PRR14L: variants seen among roughly 807,000 people sequenced by gnomAD.
PRR14L encodes the protein protein PRR14L.
Under a neutral mutation model 155.0 loss-of-function variants are expected in PRR14L, and 80 were observed. The ratio of observed to expected loss-of-function variants is 0.52; its 90% CI spans 0.43 to 0.62. The LOEUF is 0.62. Ranked by LOEUF, PRR14L falls within the 20% of genes least tolerant of loss-of-function variation. The probability of loss-of-function intolerance (pLI) is 0.00; values close to 1 mark genes in which losing one functional copy is unlikely to be tolerated. For missense variants in PRR14L, 2,469 were observed against 2,548.0 expected (o/e 0.97, Z 0.67); for synonymous variants, 883 against 916.0 (o/e 0.96, Z 0.65).
At chr22:31,747,120 T>C (rs1440089610) in intron 1 of PRR14L, among the ~76,000 whole-genome samples, 1 of 134,398 alleles carries the variant, frequency 7.4e-6, no homozygotes, top group African/African-American at 2.8e-5. Context: ...CAGGAGTCTT[T>C]TTTTTTTGAG....
intron 6 of PRR14L, among the ~76,000 whole-genome samples, chr22:31,702,908 C>T (rs1172148681): frequency 5.9e-5 from 9 of 151,980 alleles, no homozygotes; most frequent in Non-Finnish European, 1.2e-4. Flanking sequence ...CTCTGCCTCC[C>T]GGGCTCAAGC....
chr22:31,687,406 T>G (rs2074487671), intron 8 of PRR14L, among the ~76,000 whole-genome samples: 1 of 150,384 alleles, frequency 6.6e-6, no homozygotes, highest in South Asian at 2.1e-4. Flanking sequence ...CAGGCTGGAG[T>G]GCAGTGGTGT....
intron 3 of PRR14L, 68 bp downstream of exon 3, chr22:31,725,470 A>G: frequency 9.5e-7 from 1 of 1,053,706 alleles, no homozygotes; most frequent in Non-Finnish European, 1.4e-6. Context: ...TCAATGCAAA[A>G]TGGAAGCGGA....
rs562830780 is a variant in PRR14L at position 31,685,614 on chromosome 22, C to A, written c.6369G>T (p.Glu2123Asp). 1 of 1,552,022 alleles carries A rather than the reference C, an allele frequency of 6.4e-7. No individual in the cohort carries two copies. The highest frequency in any genetic ancestry group is 1.4e-5 in the African/African-American group (1 of 73,166). The change falls in exon 9 of 9, where the codon GAG becomes GAT. Residue 2123 changes from glutamate (E) to aspartate (D), a missense_variant. By Grantham distance (45) the Glu-to-Asp change is conservative. This residue lies in a region of PRR14L where 106 missense variants were observed against 176.4 expected (regional missense o/e 0.60). Coordinates refer to ENST00000327423, the MANE Select transcript of PRR14L (RefSeq NM_173566.3). ...GTTTCTGTATCAAAAGAGCATCCAG[C>A]TCTCGACTCTGCACAGCTGCCTTCT... The part of the protein sequence containing the change: ...RAQKAAVQSR[E>D]LDALLIQKLM...
In PRR14L at chr22:31,738,893, T is replaced by C. The variant is rs1333319286; in HGVS notation, c.-33A>G. 7.3e-7 allele frequency: 1 copy of C among 1,366,418 alleles called. No individual in the cohort carries two copies. Among genetic ancestry groups the C allele is most frequent in the South Asian group, 1.3e-5 (1 of 77,744 alleles). 84.6% of individuals were successfully genotyped at this position (1,366,418 alleles called of 1,614,324 possible). ...GATGCAGATTATGGAGTCAAGTCTT[T>C]TACATCAAATGATTCACCCTGACAC... On this transcript the variant is annotated 5_prime_UTR_variant, in exon 2 of 9. It removes the in-frame stop codon of an upstream open reading frame in the 5' UTR. Coordinates refer to ENST00000327423, the MANE Select transcript of PRR14L (RefSeq NM_173566.3).
intron 3 of PRR14L, among the ~76,000 whole-genome samples, chr22:31,717,717 G>C (rs1601506567): frequency 6.6e-6 from 1 of 151,960 alleles, no homozygotes; most frequent in South Asian, 2.1e-4. Flanking sequence ...GATAAAATTA[G>C]TCCTTGGAAA....
intron 8 of PRR14L, among the ~76,000 whole-genome samples, 192 bp downstream of exon 8, chr22:31,687,964 G>A (rs1379862435): frequency 2.0e-5 from 3 of 150,938 alleles, no homozygotes; most frequent in Admixed American, 6.6e-5. Context: ...CCCAGGAGGC[G>A]GAGCTTGCAG....
intron 1 of PRR14L, among the ~76,000 whole-genome samples, chr22:31,744,133 ATT>A (rs1043296702): frequency 1.2e-4 from 17 of 137,116 alleles, no homozygotes; most frequent in Admixed American, 1.5e-4. Context: ...TGCCTGGTTA[ATT>A]TTTTTTTTTT....
At chr22:31,688,027 CAAAA>C (rs77978141) in intron 8 of PRR14L, 125 bp downstream of exon 8, 1,312 of 576,910 alleles carry the variant, frequency 2.3e-3, no homozygotes, top group East Asian at 4.5e-3. Context: ...GACTCTGTCT[CAAAA>C]AAAAAAAAAA....
In PRR14L at chr22:31,738,917, A is replaced by C. The variant is rs2074797703; in HGVS notation, c.-51-6T>G. Reference sequence around the variant, plus strand: ...TTTACATCAAATGATTCACCCTGACACAAATCACAGGAAGGGATAAAAGTT... The same window carrying C: ...TTTACATCAAATGATTCACCCTGACCCAAATCACAGGAAGGGATAAAAGTT... On this transcript the variant is annotated splice_polypyrimidine_tract_variant and splice_region_variant and intron_variant, in intron 1 of 8. Coordinates refer to ENST00000327423, the MANE Select transcript of PRR14L (RefSeq NM_173566.3). 4.1e-6 allele frequency: 5 copies of C among 1,215,364 alleles called. No individual in the cohort carries two copies. The highest frequency in any genetic ancestry group is 5.7e-6 in the Non-Finnish European group (5 of 877,516). The allele number at this position is 1,215,364 out of a possible 1,614,324, so 75.3% of individuals were successfully genotyped here.
In PRR14L at chr22:31,715,711, G is replaced by T; in HGVS notation, c.2128C>A (p.Gln710Lys). 1 of 1,552,244 alleles carries T rather than the reference G, an allele frequency of 6.4e-7. No individual in the cohort carries two copies. Among genetic ancestry groups the T allele is most frequent in the South Asian group, 1.2e-5 (1 of 84,048 alleles). Reference sequence around the variant, plus strand: ...GGAGAGATGTCTTTTATTTTTGTCTGAATGGGAATGGTTTGTATATCAGCA... The same window carrying T: ...GGAGAGATGTCTTTTATTTTTGTCTTAATGGGAATGGTTTGTATATCAGCA... ...VIADIQTIPI[Q>K]TKIKDISPPG... Residue 710 changes from glutamine (Q) to lysine (K), a missense_variant, in exon 4 of 9, where the codon CAG becomes AAG. Gln to Lys is a moderately conservative substitution (Grantham distance 53, BLOSUM62 1). Transcript: ENST00000327423.
At chr22:31,694,144 T>G (rs2074523802) in intron 7 of PRR14L, among the ~76,000 whole-genome samples, 1 of 152,012 alleles carries the variant, frequency 6.6e-6, no homozygotes, top group Non-Finnish European at 1.5e-5. Flanking sequence ...GATGTGGTAG[T>G]ACACACCTAT....
intron 7 of PRR14L, among the ~76,000 whole-genome samples, chr22:31,691,903 T>C (rs898177880): frequency 1.3e-5 from 2 of 151,900 alleles, no homozygotes; most frequent in African/African-American, 4.8e-5. Flanking sequence ...AGTCTTGCTC[T>C]ATCACCCAGG....
At chr22:31,703,017 G>C (rs1272822166) in intron 6 of PRR14L, among the ~76,000 whole-genome samples, 2 of 144,074 alleles carry the variant, frequency 1.4e-5, no homozygotes, top group East Asian at 2.1e-4. Context: ...AGTTTTGCCA[G>C]GTTGCCCAGG....
intron 7 of PRR14L, among the ~76,000 whole-genome samples, chr22:31,689,695 G>A (rs150296342): frequency 7.2e-5 from 11 of 152,062 alleles, no homozygotes; most frequent in East Asian, 1.9e-4. Context: ...TCTGCCTCCC[G>A]TGTAGCTGGG....
At chr22:31,732,620 TG>T (rs1569500395) in intron 2 of PRR14L, among the ~76,000 whole-genome samples, 5 of 152,248 alleles carry the variant, frequency 3.3e-5, no homozygotes, top group African/African-American at 1.2e-4. Context: ...AAGCTTGCAC[TG>T]GATTTCCTCT....
intron 7 of PRR14L, among the ~76,000 whole-genome samples, chr22:31,697,811 G>A (rs1172941795): frequency 1.3e-5 from 2 of 152,144 alleles, no homozygotes; most frequent in East Asian, 3.9e-4. Flanking sequence ...AGTTGAAGCT[G>A]CAGTGAGCCA....
At chr22:31,718,785 A>G (rs1045798836) in intron 3 of PRR14L, among the ~76,000 whole-genome samples, 3 of 152,082 alleles carry the variant, frequency 2.0e-5, no homozygotes, top group Non-Finnish European at 4.4e-5. Flanking sequence ...AAATCTATTT[A>G]AAGATCGGCC....
chr22:31,709,070 G>A (rs1020555446), intron 4 of PRR14L, among the ~76,000 whole-genome samples: 3 of 152,036 alleles, frequency 2.0e-5, no homozygotes, highest in Admixed American at 6.6e-5. Flanking sequence ...TGATCTGCCC[G>A]CCTTGGCCTC....
Sources: gnomAD v4.1 joint callset for allele counts (sites outside exome capture counted in the v4.1 genomes callset) on GRCh38, gnomAD v4.1.1 for gene constraint, gnomAD v4.1.1 regional missense constraint, MANE v1.5 for transcripts, NCBI Gene and HGNC (gene_info 2026-07-23, HGNC 2026-07-21) for gene names.